Variants in SORCS2 observed in about 807,000 individuals in gnomAD.
The protein encoded by SORCS2 is sortilin related VPS10 domain containing receptor 2.
A neutral mutation model predicts 141.6 loss-of-function variants in SORCS2; 100 were observed. That is an observed-to-expected ratio of 0.71 (90% CI 0.60 to 0.83). The LOEUF (loss-of-function observed/expected upper bound fraction) is 0.83. Ranked by LOEUF, SORCS2 falls within the 40% of genes least tolerant of loss-of-function variation. SORCS2 has a pLI of 0.00. For missense variants in SORCS2, 1,646 were observed against 1,560.2 expected (o/e 1.05, Z -0.93); for synonymous variants, 789 against 676.9 (o/e 1.17, Z -2.57).
chr4:7,715,334 C>T (rs747471872), intron 17 of SORCS2, 23 bp downstream of exon 17: 18 of 1,611,614 alleles, frequency 1.1e-5, no homozygotes, highest in Admixed American at 1.7e-5. Context: ...GCGGGCCTCT[C>T]CCTGCCTAAA....
intron 1 of SORCS2, among the ~76,000 whole-genome samples, chr4:7,388,993 A>T (rs895177754): frequency 3.3e-5 from 5 of 152,172 alleles, no homozygotes; most frequent in African/African-American, 7.2e-5. Flanking sequence ...CTGAAATGGG[A>T]TCTCCAGGCC....
chr4:7,507,546 C>T (rs183391662), intron 2 of SORCS2, among the ~76,000 whole-genome samples: 4 of 152,072 alleles, frequency 2.6e-5, no homozygotes, highest in African/African-American at 9.7e-5. Flanking sequence ...AATAGAAAAA[C>T]CAAAGAAAGA....
intron 1 of SORCS2, among the ~76,000 whole-genome samples, chr4:7,394,522 G>A (rs1405776367): frequency 6.7e-6 from 1 of 149,830 alleles, no homozygotes; most frequent in Non-Finnish European, 1.5e-5. Flanking sequence ...ATAGGGCTGG[G>A]GGATTTGGGG....
chr4:7,586,643 C>T (rs757279890), intron 3 of SORCS2, among the ~76,000 whole-genome samples: 11 of 152,170 alleles, frequency 7.2e-5, no homozygotes, highest in South Asian at 2.1e-4. Flanking sequence ...ATCCGTGTCC[C>T]GGCAAAGGAC....
intron 10 of SORCS2, among the ~76,000 whole-genome samples, chr4:7,685,497 C>A (rs1449294660): frequency 6.6e-6 from 1 of 152,058 alleles, no homozygotes; most frequent in Non-Finnish European, 1.5e-5. Flanking sequence ...ATGATGAAAC[C>A]CCGTCTCTAC....
chr4:7,472,097 G>A (rs989685816), intron 2 of SORCS2, among the ~76,000 whole-genome samples: 3 of 152,240 alleles, frequency 2.0e-5, no homozygotes, highest in African/African-American at 7.2e-5. Context: ...CCACCAGCCT[G>A]TGGCCCAGGA....
chr4:7,223,860 G>C (rs4689089), intron 1 of SORCS2, among the ~76,000 whole-genome samples: 36,126 of 147,686 alleles, frequency 0.24, 4,397 homozygotes, highest in African/African-American at 0.26. Flanking sequence ...TGAAGTCCAT[G>C]CTGTTAAGTG....
intron 2 of SORCS2, among the ~76,000 whole-genome samples, chr4:7,481,339 C>G (rs972089037): frequency 3.9e-5 from 6 of 152,320 alleles, no homozygotes; most frequent in African/African-American, 1.4e-4. Flanking sequence ...AGCTAGGGCA[C>G]AAGAATGCTG....
intron 1 of SORCS2, among the ~76,000 whole-genome samples, chr4:7,361,896 G>T (rs1721604147): frequency 6.6e-6 from 1 of 151,462 alleles, no homozygotes; most frequent in Admixed American, 6.6e-5. Flanking sequence ...ACAGTGAGAA[G>T]CGGTGGGGGG....
chr4:7,576,629 G>A (rs548398156), intron 3 of SORCS2, among the ~76,000 whole-genome samples: 2 of 152,364 alleles, frequency 1.3e-5, no homozygotes, highest in South Asian at 4.1e-4. Context: ...CTAAGACGTG[G>A]TGACAGAGGG....
intron 2 of SORCS2, among the ~76,000 whole-genome samples, chr4:7,510,450 C>T (rs1422223980): frequency 1.3e-5 from 2 of 152,186 alleles, no homozygotes; most frequent in African/African-American, 4.8e-5. Context: ...CCAGGACAGC[C>T]GAGGTTAAAA....
intron 1 of SORCS2, among the ~76,000 whole-genome samples, chr4:7,204,059 A>G (rs1232013456): frequency 6.6e-6 from 1 of 152,136 alleles, no homozygotes; most frequent in Non-Finnish European, 1.5e-5. Context: ...TTCTTCATGC[A>G]TCTGTGGATG....
intron 3 of SORCS2, among the ~76,000 whole-genome samples, chr4:7,544,225 CTTAT>C (rs2109604420): frequency 6.6e-6 from 1 of 152,346 alleles, no homozygotes; most frequent in Non-Finnish European, 1.5e-5. Flanking sequence ...CATGCATCAA[CTTAT>C]TTATTCATTC....
In SORCS2 at chr4:7,682,816, A is replaced by C. The variant is rs549319361; in HGVS notation, c.1415A>C (p.Asn472Thr). ...AAAGTGATGACGCTTATAACCTACA[A>C]CAAGGGCCGCGACTGGGATTACCTG... ...DGKVMTLITY[N>T]KGRDWDYLRP... Residue 472 changes from asparagine (N) to threonine (T), a missense_variant, in exon 10 of 27, where the codon AAC (asparagine) becomes ACC (threonine). Coordinates refer to ENST00000507866, the MANE Select transcript of SORCS2 (RefSeq NM_020777.3). The C allele has an allele frequency of 6.2e-7, 1 of 1,613,030 alleles. No individual in the cohort carries two copies. Among genetic ancestry groups the C allele is most frequent in the African/African-American group, 1.3e-5 (1 of 75,002 alleles).
At chr4:7,602,678 G>T (rs1308606783) in intron 3 of SORCS2, among the ~76,000 whole-genome samples, 1 of 151,344 alleles carries the variant, frequency 6.6e-6, no homozygotes, top group East Asian at 2.0e-4. Context: ...TCCCAGGCTG[G>T]GCGGCCGGGC....
intron 2 of SORCS2, among the ~76,000 whole-genome samples, chr4:7,454,058 C>A (rs1256093325): frequency 9.8e-6 from 1 of 101,796 alleles, no homozygotes; most frequent in Non-Finnish European, 2.0e-5. Context: ...GTGTTGGGGT[C>A]AGGAGCTGTG....
chr4:7,380,887 G>T lies in SORCS2; in HGVS notation c.481-15401G>T, dbSNP rs111560895. ...GATCACGATGTTGAGATCAAGGCCA[G>T]CCTGGCCAACACGGTGAAACCCCGT... On this transcript the variant is annotated intron_variant, in intron 1 of 26. Coordinates refer to ENST00000507866, the MANE Select transcript of SORCS2 (RefSeq NM_020777.3). Among the ~76,000 whole-genome samples, 423 of 152,266 alleles carry T rather than the reference G, an allele frequency of 2.8e-3. 1 individual carries two copies. The highest frequency in any genetic ancestry group is 6.1e-3 in the African/African-American group (255 of 41,546).
chr4:7,738,083 C>A (rs959590705), intron 26 of SORCS2, among the ~76,000 whole-genome samples: 4 of 152,266 alleles, frequency 2.6e-5, no homozygotes, highest in African/African-American at 9.6e-5. Context: ...GTGTCTTGCC[C>A]TGTCCATGTT....
chr4:7,305,053 G>T, intron 1 of SORCS2, among the ~76,000 whole-genome samples: 1 of 141,562 alleles, frequency 7.1e-6, no homozygotes, highest in African/African-American at 2.7e-5. Flanking sequence ...TTTTTTTTGA[G>T]ACAGAGTCTG....
Sources: allele counts gnomAD v4.1 joint callset (sites outside exome capture counted in the v4.1 genomes callset), GRCh38; gene constraint gnomAD v4.1.1; transcripts MANE v1.5; gene names NCBI Gene and HGNC (gene_info 2026-07-23, HGNC 2026-07-21).